The following CCNB3 variants were observed in gnomAD, a reference collection of about 807,000 sequenced individuals.
CCNB3 encodes cyclin B3.
CCNB3 carries 12 observed loss-of-function variants against 68.0 expected under a neutral mutation model. That is an observed-to-expected ratio of 0.18 (90% CI 0.11 to 0.29). The LOEUF (loss-of-function observed/expected upper bound fraction) is 0.29, where lower values mean the gene tolerates loss of function less well. CCNB3 is among the 10% of genes least tolerant of loss of function. The probability of loss-of-function intolerance (pLI) is 1.00; values close to 1 mark genes in which losing one functional copy is unlikely to be tolerated. For missense variants in CCNB3, 904 were observed against 993.1 expected (o/e 0.91, Z 1.21); for synonymous variants, 354 against 388.9 (o/e 0.91, Z 1.06).
At chrX:50,305,780 T>C (rs1300320921) in intron 5 of CCNB3, among the ~76,000 whole-genome samples, 49 of 86,243 alleles carry the variant, frequency 5.7e-4, no homozygotes, top group Non-Finnish European at 5.6e-4. Flanking sequence ...TTCTTTCTTT[T>C]TTTTTTTTTT....
chrX:50,334,037 C>T (rs1557218443), intron 8 of CCNB3, among the ~76,000 whole-genome samples: 1 of 112,459 alleles, frequency 8.9e-6, no homozygotes, highest in Non-Finnish European at 1.9e-5. Context: ...ACAGTCTTAC[C>T]TTCACTGAGT....
At chrX:50,300,658 T>A (rs1444002298) in intron 5 of CCNB3, among the ~76,000 whole-genome samples, 1 of 111,505 alleles carries the variant, frequency 9.0e-6, no homozygotes, top group Non-Finnish European at 1.9e-5. Flanking sequence ...TTCTCTGTAT[T>A]TCCTGAATTT....
intron 5 of CCNB3, among the ~76,000 whole-genome samples, chrX:50,299,032 T>C (rs1557211757): frequency 1.8e-5 from 2 of 111,828 alleles, no homozygotes; most frequent in East Asian, 5.6e-4. Flanking sequence ...TTTTCTTCTT[T>C]ATTATTCTTG....
rs1248431824 is a variant in CCNB3 at position 50,226,465 on chromosome X, T to G, written c.-113+21515T>G. 4.3e-4 allele frequency among the ~76,000 whole-genome samples: 29 copies of G among 67,277 alleles called. No homozygotes were observed. The East Asian group carries it at 0.011, about 24-fold the overall frequency. The allele number at this position is 67,277 out of a possible 115,157, so 58.4% of individuals were successfully genotyped here. A position where few individuals can be genotyped will look rare whatever the true frequency, so the allele number is the denominator to read the frequency against. On this transcript the variant is annotated intron_variant, in intron 1 of 12. Coordinates refer to ENST00000376042, the MANE Select transcript of CCNB3 (RefSeq NM_033031.3). ...TATATAGAATATATATAAATATATA[T>G]AGAATATATATAAATATATATAGAA...
At chrX:50,296,168 A>C (rs1241947410) in intron 5 of CCNB3, among the ~76,000 whole-genome samples, 13 of 108,836 alleles carry the variant, frequency 1.2e-4, no homozygotes, top group African/African-American at 4.4e-4. Flanking sequence ...TTTAGGATAC[A>C]TGTGCACAAC....
chrX:50,317,294 G>GTTCTTTATGTATTCTGGATACT (rs1200735999), intron 8 of CCNB3, among the ~76,000 whole-genome samples: 1 of 111,883 alleles, frequency 8.9e-6, no homozygotes, highest in Admixed American at 9.5e-5. Context: ...AGTTACGAGA[G>GTTCTTTATGTATTCTGGATACT]TTCTTTATGT....
At chrX:50,220,777 G>A (rs1297821376) in intron 1 of CCNB3, among the ~76,000 whole-genome samples, 2 of 111,820 alleles carry the variant, frequency 1.8e-5, no homozygotes, top group South Asian at 3.8e-4. Context: ...TCAGGATGAT[G>A]CTGAACTCAT....
intron 4 of CCNB3, among the ~76,000 whole-genome samples, chrX:50,293,499 A>G (rs1274652467): frequency 1.8e-5 from 2 of 111,267 alleles, no homozygotes; most frequent in Non-Finnish European, 3.8e-5. Context: ...TGATGTGGGC[A>G]TTTAGTATAT....
intron 1 of CCNB3, among the ~76,000 whole-genome samples, chrX:50,215,517 CTGT>C (rs1350485257): frequency 1.9e-5 from 2 of 108,078 alleles, no homozygotes; most frequent in Non-Finnish European, 3.8e-5. Context: ...CTGTTTGTTG[CTGT>C]TGTTGTTGAA....
intron 1 of CCNB3, among the ~76,000 whole-genome samples, chrX:50,214,250 A>C (rs1935526246): frequency 9.3e-6 from 1 of 107,545 alleles, no homozygotes; most frequent in Non-Finnish European, 1.9e-5. Context: ...CTTTTCAAAG[A>C]ACCAGACTTC....
chrX:50,316,467 T>C (rs1921731956), intron 8 of CCNB3, among the ~76,000 whole-genome samples: 1 of 112,260 alleles, frequency 8.9e-6, no homozygotes, highest in South Asian at 3.7e-4. Context: ...TGAATATAGT[T>C]TTTATTTCTC....
intron 1 of CCNB3, among the ~76,000 whole-genome samples, chrX:50,224,136 A>G (rs1012970171): frequency 7.2e-5 from 8 of 111,182 alleles, no homozygotes; most frequent in African/African-American, 2.6e-4. Context: ...ACAATTTATC[A>G]TCTTGTTTTG....
rs140514478 is a variant in CCNB3, at chrX:50,302,720, T to C, written c.336-5785T>C. 8.7e-4 allele frequency among the ~76,000 whole-genome samples: 97 copies of C among 111,905 alleles called. 2 individuals are homozygous for C. In the East Asian group the frequency reaches 0.024, roughly 28 times the overall value. On this transcript the variant is annotated intron_variant, in intron 5 of 12. Coordinates refer to ENST00000376042, the MANE Select transcript of CCNB3 (RefSeq NM_033031.3). ...ATAAATGGAATTAGACAATGTGTGG[T>C]CTTTTGTGTCTAGCTTCTTTCACTT...
chrX:50,314,969 AT>A (rs1211448261), intron 8 of CCNB3, among the ~76,000 whole-genome samples: 1 of 107,489 alleles, frequency 9.3e-6, no homozygotes, highest in African/African-American at 3.4e-5. Context: ...AGAGAAAAAA[AT>A]ATCTCTGCCA....
intron 10 of CCNB3, 44 bp from the exon 11 acceptor site, chrX:50,347,582 G>T (rs782805756): frequency 8.5e-7 from 1 of 1,178,549 alleles, no homozygotes; most frequent in Non-Finnish European, 1.1e-6. Flanking sequence ...CTTGGTGCCA[G>T]TTTTCTAAAT....
intron 8 of CCNB3, among the ~76,000 whole-genome samples, chrX:50,315,112 A>G (rs1343275888): frequency 6.3e-5 from 7 of 111,737 alleles, no homozygotes; most frequent in African/African-American, 2.3e-4. Flanking sequence ...ATTTGTTTGC[A>G]TATATTATCC....
chrX:50,215,247 C>T (rs920443861), intron 1 of CCNB3, among the ~76,000 whole-genome samples: 103 of 110,186 alleles, frequency 9.3e-4, no homozygotes, highest in African/African-American at 3.3e-3. Context: ...CCTCGGCCTC[C>T]CAAAGTGCTA....
chrX:50,309,992 A>G lies in CCNB3; in HGVS notation c.1823A>G (p.Gln608Arg). Residue 608 changes from glutamine (Q) to arginine (R), a missense_variant, in exon 6 of 13, where the codon CAG becomes CGG. This residue lies in a region of CCNB3 where 619 missense variants were observed against 609.8 expected (regional missense o/e 1.02). Transcript: ENST00000376042. ...CACTTAAAGAAGCCACTGGTCTTGC[A>G]GAAGATCACTTCTGAGGAGGAGTCA... ...MSHLKKPLVL[Q>R]KITSEEESFY... The G allele has an allele frequency of 8.3e-7, 1 of 1,211,271 alleles. No individual in the cohort carries two copies.
At chrX:50,283,884 CT>C (rs1319338178) in intron 1 of CCNB3, among the ~76,000 whole-genome samples, 111 of 100,028 alleles carry the variant, frequency 1.1e-3, no homozygotes, top group Admixed American at 1.4e-3. Flanking sequence ...TTTTTCTTTT[CT>C]TTTTTTTTTT....
Sources: gnomAD v4.1 joint callset for allele counts (sites outside exome capture counted in the v4.1 genomes callset) on GRCh38, gnomAD v4.1.1 for gene constraint, gnomAD v4.1.1 regional missense constraint, MANE v1.5 for transcripts, NCBI Gene and HGNC (gene_info 2026-07-23, HGNC 2026-07-21) for gene names.